ARSG: variants seen among roughly 807,000 people sequenced by gnomAD.
ARSG encodes ASG.
Under a neutral mutation model 50.5 loss-of-function variants are expected in ARSG, and 37 were observed. The observed-to-expected ratio is 0.73, with a 90% CI of 0.56 to 0.96. The LOEUF is 0.96. ARSG is among the 50% of genes least tolerant of loss of function. ARSG has a pLI of 0.00. For missense variants in ARSG, 629 were observed against 675.3 expected, an observed-to-expected ratio of 0.93 and a Z score of 0.76; for synonymous variants, 225 against 254.6, an observed-to-expected ratio of 0.88 and a Z score of 1.11.
intron 5 of ARSG, among the ~76,000 whole-genome samples, chr17:68,353,351 A>G (rs7208386): frequency 0.52 from 78,576 of 151,782 alleles, 20,514 homozygotes; most frequent in Admixed American, 0.58. Flanking sequence ...TACTCATAGC[A>G]TAGTCATTGA....
intron 1 of ARSG, among the ~76,000 whole-genome samples, chr17:68,269,799 G>A (rs548786049): frequency 4.0e-5 from 6 of 150,214 alleles, no homozygotes; most frequent in African/African-American, 7.4e-5. Flanking sequence ...TCAGCCTCCC[G>A]AATAGCTGGG....
At chr17:68,262,532 G>A (rs782197224) in intron 1 of ARSG, among the ~76,000 whole-genome samples, 6 of 149,508 alleles carry the variant, frequency 4.0e-5, no homozygotes, top group Admixed American at 1.3e-4. Context: ...AAAAGTAATA[G>A]TATCCATCAG....
chr17:68,403,872 C>G (rs980803849), intron 11 of ARSG, among the ~76,000 whole-genome samples: 6 of 151,932 alleles, frequency 3.9e-5, no homozygotes, highest in Admixed American at 6.6e-5. Context: ...CCCCACCCCA[C>G]GACAGGCCCC....
At position 68,278,336 on chromosome 17, in the gene ARSG, A is replaced by G. The variant is rs1568412247; in HGVS notation, c.-552+18910A>G. ...TTTGGGTCATTCTTAATCTGAAAGA[A>G]AAAGTTAAAAGCAATTCAGATCAGC... On this transcript the variant is annotated intron_variant, in intron 1 of 11. Coordinates refer to the ARSG transcript ENST00000448504. 1.9e-6 allele frequency: 3 copies of G among 1,582,802 alleles called. No homozygotes were observed. In the East Asian group the frequency reaches 6.7e-5, roughly 35 times the overall value.
chr17:68,390,467 T>G (rs1380623588), intron 9 of ARSG, among the ~76,000 whole-genome samples: 1 of 152,188 alleles, frequency 6.6e-6, no homozygotes, highest in Non-Finnish European at 1.5e-5. Context: ...TGTGCCATTG[T>G]GCAGAGCAAT....
At chr17:68,325,898 C>G (rs1029296152) in intron 2 of ARSG, among the ~76,000 whole-genome samples, 1 of 152,224 alleles carries the variant, frequency 6.6e-6, no homozygotes, top group African/African-American at 2.4e-5. Context: ...TCACCAAGGA[C>G]AGAAGCTTGT....
chr17:68,292,064 G>T (rs1323293653), intron 1 of ARSG, among the ~76,000 whole-genome samples: 1 of 152,162 alleles, frequency 6.6e-6, no homozygotes, highest in African/African-American at 2.4e-5. Context: ...CCTTCCGGCA[G>T]TGGGGAGGGA....
rs532154379 is a variant in ARSG at position 68,365,205 on chromosome 17, G to A, written c.705-3343G>A. ...TGCATGCCTGTAGTCCCAGCTACTC[G>A]GGAGGCTGAGGCAGGAGAATTGCTT... is the stretch of plus-strand genomic sequence containing the variant. On this transcript the variant is annotated intron_variant, in intron 6 of 11. Coordinates refer to ENST00000621439, the MANE Select transcript of ARSG (RefSeq NM_001267727.2). Among the ~76,000 whole-genome samples, 7 of 152,240 alleles carry A rather than the reference G, an allele frequency of 4.6e-5. No individual in the cohort carries two copies. The South Asian group carries it at 6.2e-4, about 14-fold the overall frequency.
At chr17:68,336,527 T>C (rs1323892411) in intron 2 of ARSG, among the ~76,000 whole-genome samples, 1 of 152,064 alleles carries the variant, frequency 6.6e-6, no homozygotes, top group Non-Finnish European at 1.5e-5. Flanking sequence ...TGTTTTTCAG[T>C]AAGGGATTAG....
At position 68,283,801 on chromosome 17, in the gene ARSG, C is replaced by A. The variant is rs1482030301; in HGVS notation, c.-551-23142C>A. ...GCTGAGGCAGGAGAATCACTTGAACCTGGAAGGCAGAGGTTGTGGTGAGCC... is the reference window on the plus strand; with the variant it reads ...GCTGAGGCAGGAGAATCACTTGAACATGGAAGGCAGAGGTTGTGGTGAGCC... On this transcript the variant is annotated intron_variant, in intron 1 of 11. Coordinates refer to the ARSG transcript ENST00000448504. Among the ~76,000 whole-genome samples the A allele has an allele frequency of 2.1e-5, 3 of 145,842 alleles. No homozygotes were observed. In the South Asian group the frequency reaches 6.5e-4, roughly 32 times the overall value.
chr17:68,344,932 G>A (rs1456019909), intron 3 of ARSG, among the ~76,000 whole-genome samples: 2 of 152,176 alleles, frequency 1.3e-5, no homozygotes, highest in Non-Finnish European at 2.9e-5. Context: ...ATCCCACTCT[G>A]GGTTAAAGAG....
chr17:68,434,495 C>A, the ARSG span: 1 of 1,571,278 alleles, frequency 6.4e-7, no homozygotes. Context: ...TAGACAGCTG[C>A]CAGCGGTCCC....
chr17:68,322,302 A>G (rs781998528), intron 2 of ARSG, among the ~76,000 whole-genome samples: 1 of 152,186 alleles, frequency 6.6e-6, no homozygotes, highest in Non-Finnish European at 1.5e-5. Context: ...TACACCCGGC[A>G]AAGGAACTCA....
chr17:68,364,163 A>C (rs1435822440), intron 6 of ARSG, among the ~76,000 whole-genome samples: 1 of 151,912 alleles, frequency 6.6e-6, no homozygotes, highest in African/African-American at 2.4e-5. Flanking sequence ...CCCTGTCTCC[A>C]CACCCTGCCC....
chr17:68,387,079 TCACACACACACACACACACACACACACA>T (rs72320984), intron 9 of ARSG, among the ~76,000 whole-genome samples: 1 of 146,298 alleles, frequency 6.8e-6, no homozygotes, highest in Non-Finnish European at 1.5e-5. Context: ...ATATAGTGTA[TCACACACACACACACACACACACACACA>T]CACACACACA....
the ARSG span, among the ~76,000 whole-genome samples, chr17:68,441,427 C>G: frequency 6.6e-6 from 1 of 152,358 alleles, no homozygotes; most frequent in African/African-American, 2.4e-5. Context: ...GTGATTGTGT[C>G]TTCCTTCTGT....
At chr17:68,372,704 G>C (rs1258578861) in intron 8 of ARSG, among the ~76,000 whole-genome samples, 1 of 151,956 alleles carries the variant, frequency 6.6e-6, no homozygotes, top group Non-Finnish European at 1.5e-5. Context: ...GAGCCAAACC[G>C]TATCAGGCTG....
chr17:68,437,012 A>ATG, the ARSG span, among the ~76,000 whole-genome samples: 362 of 82,066 alleles, frequency 4.4e-3, 1 homozygote, highest in African/African-American at 0.017. Flanking sequence ...AAAAATATAT[A>ATG]TATATGTGTG....
At chr17:68,415,060 T>G (rs1180888460) in intron 11 of ARSG, among the ~76,000 whole-genome samples, 1 of 152,106 alleles carries the variant, frequency 6.6e-6, no homozygotes, top group East Asian at 1.9e-4. Context: ...TATTTCCTTT[T>G]GTCTGCTGGG....
Sources: gnomAD v4.1 joint callset for allele counts (sites outside exome capture counted in the v4.1 genomes callset) on GRCh38, gnomAD v4.1.1 for gene constraint, MANE v1.5 for transcripts, NCBI Gene and HGNC (gene_info 2026-07-23, HGNC 2026-07-21) for gene names.